Variants in COL24A1 observed in about 807,000 individuals in gnomAD.
COL24A1 encodes the protein collagen type XXIV alpha 1 chain.
Under a neutral mutation model 253.9 loss-of-function variants are expected in COL24A1, and 224 were observed. That is an observed-to-expected ratio of 0.88 (90% confidence interval 0.79 to 0.99). The LOEUF is 0.99. Ranked by LOEUF, COL24A1 falls within the 50% of genes least tolerant of loss-of-function variation. The pLI, the probability that COL24A1 is intolerant of heterozygous loss-of-function variation, is 0.00. For synonymous variants in COL24A1, 685 were observed against 673.7 expected, an observed-to-expected ratio of 1.02 and a Z score of -0.26; for missense variants, 2,131 against 2,068.5, an observed-to-expected ratio of 1.03 and a Z score of -0.59.
At chr1:85,885,253 TG>T (rs1682339429) in intron 32 of COL24A1, among the ~76,000 whole-genome samples, 1 of 151,646 alleles carries the variant, frequency 6.6e-6, no homozygotes, top group African/African-American at 2.4e-5. Context: ...CAGGCTGGAG[TG>T]CAGTGGCGCG....
At chr1:86,138,893 C>T (rs553727584) in intron 2 of COL24A1, among the ~76,000 whole-genome samples, 1 of 151,972 alleles carries the variant, frequency 6.6e-6, no homozygotes, top group Admixed American at 6.6e-5. Context: ...AAGTATATCC[C>T]TTCATGCCAA....
At chr1:86,113,835 C>CAAA (rs1491443080) in intron 4 of COL24A1, among the ~76,000 whole-genome samples, 1 of 9,356 alleles carries the variant, frequency 1.1e-4, no homozygotes, top group Non-Finnish European at 2.5e-4. Flanking sequence ...GATCCTGTCT[C>CAAA]ACAAAAAAAA....
chr1:85,757,814 C>T (rs574966331), intron 55 of COL24A1, among the ~76,000 whole-genome samples: 2 of 152,256 alleles, frequency 1.3e-5, no homozygotes, highest in Admixed American at 1.3e-4. Flanking sequence ...GTCATTCAGT[C>T]ACATCTAAGT....
At chr1:85,747,184 T>C (rs899513156) in intron 55 of COL24A1, among the ~76,000 whole-genome samples, 7 of 148,228 alleles carry the variant, frequency 4.7e-5, no homozygotes, top group Non-Finnish European at 8.9e-5. Flanking sequence ...CGATCTCGGC[T>C]CACTGCAACC....
intron 19 of COL24A1, among the ~76,000 whole-genome samples, chr1:85,998,071 T>C (rs1182766949): frequency 6.6e-6 from 1 of 152,220 alleles, no homozygotes; most frequent in Non-Finnish European, 1.5e-5. Context: ...TTGCCAATTC[T>C]GATTTTTTTA....
rs567825684 is a variant in COL24A1, at chr1:85,868,292, C to T, written c.3300+227G>A. On this transcript the variant is annotated intron_variant, in intron 37 of 59. Coordinates refer to ENST00000370571, the MANE Select transcript of COL24A1 (RefSeq NM_152890.7). ...AACATAAAACATTCCTTTATAAATGCTTTATGACAGAAGTTACATGGCTTA... is the reference window on the plus strand; with the variant it reads ...AACATAAAACATTCCTTTATAAATGTTTTATGACAGAAGTTACATGGCTTA... Among the ~76,000 whole-genome samples the T allele has an allele frequency of 2.6e-3, 397 of 152,278 alleles. 4 individuals carry two copies. The highest frequency in any genetic ancestry group is 9.0e-3 in the African/African-American group (376 of 41,566).
chr1:86,027,570 G>T (rs1311386297), intron 14 of COL24A1, among the ~76,000 whole-genome samples: 2 of 152,170 alleles, frequency 1.3e-5, no homozygotes, highest in Non-Finnish European at 2.9e-5. Flanking sequence ...CAATAATTGA[G>T]GTTTGGGAAC....
At chr1:85,732,722 A>T (rs920329240) in intron 59 of COL24A1, among the ~76,000 whole-genome samples, 7 of 152,206 alleles carry the variant, frequency 4.6e-5, no homozygotes, top group African/African-American at 1.7e-4. Flanking sequence ...AACCTTGAGC[A>T]AGTTCTCTGT....
intron 59 of COL24A1, among the ~76,000 whole-genome samples, chr1:85,731,636 T>C (rs777564801): frequency 3.3e-5 from 5 of 152,234 alleles, no homozygotes; most frequent in Admixed American, 2.0e-4. Flanking sequence ...AGTGTTCTTA[T>C]AGTGCTTGTG....
At position 86,059,123 on chromosome 1, in the gene COL24A1, G is replaced by T; in HGVS notation, c.1804C>A (p.Gln602Lys). 1 of 1,607,668 alleles carries T rather than the reference G, an allele frequency of 6.2e-7. No individual in the cohort carries two copies. Among genetic ancestry groups the T allele is most frequent in the Non-Finnish European group, 8.5e-7 (1 of 1,176,076 alleles). ...NIGSPGYPGR[Q>K]GLAGPEGNPG... ...AAGTCTAAATATAGTTACTGCACCT[G>T]CCTGCCAGGGTAACCGGGTGAACCA... Residue 602 changes from glutamine to lysine, a missense_variant and splice_region_variant, in exon 9 of 60, where the codon CAG becomes AAG. Gln to Lys is a moderately conservative substitution (Grantham distance 53, BLOSUM62 1). Transcript: ENST00000370571.
At chr1:85,894,425 G>A (rs1683445252) in intron 31 of COL24A1, among the ~76,000 whole-genome samples, 1 of 152,024 alleles carries the variant, frequency 6.6e-6, no homozygotes, top group Non-Finnish European at 1.5e-5. Flanking sequence ...ATACATTGAT[G>A]GGCTGAAAAT....
At chr1:85,991,264 G>C (rs1156893961) in intron 19 of COL24A1, among the ~76,000 whole-genome samples, 1 of 152,218 alleles carries the variant, frequency 6.6e-6, no homozygotes, top group Non-Finnish European at 1.5e-5. Flanking sequence ...GGAAACTACA[G>C]ATCAAATGAT....
chr1:85,921,474 G>A (rs1686482032), intron 24 of COL24A1, among the ~76,000 whole-genome samples: 1 of 152,172 alleles, frequency 6.6e-6, no homozygotes, highest in Admixed American at 6.5e-5. Context: ...TCCAGAGGAA[G>A]GATCAGGCAA....
chr1:85,957,610 C>G (rs1203600267), intron 24 of COL24A1, among the ~76,000 whole-genome samples: 2 of 152,146 alleles, frequency 1.3e-5, no homozygotes, highest in Admixed American at 1.3e-4. Context: ...TGCAGCCTAC[C>G]TCCAATCTGT....
At chr1:85,735,604 T>C (rs992784281) in intron 58 of COL24A1, among the ~76,000 whole-genome samples, 5 of 152,006 alleles carry the variant, frequency 3.3e-5, no homozygotes, top group African/African-American at 1.2e-4. Context: ...TCAATAAATA[T>C]TTATTGAATG....
At chr1:86,066,790 T>C (rs532221604) in intron 7 of COL24A1, among the ~76,000 whole-genome samples, 1 of 152,246 alleles carries the variant, frequency 6.6e-6, no homozygotes, top group South Asian at 2.1e-4. Flanking sequence ...TATCAGAAAG[T>C]AACTACTTTT....
chr1:85,939,776 A>G (rs1558732920), intron 24 of COL24A1, among the ~76,000 whole-genome samples: 1 of 152,164 alleles, frequency 6.6e-6, no homozygotes, highest in Non-Finnish European at 1.5e-5. Context: ...GCAGAATTTT[A>G]CTATGCCAGT....
chr1:85,962,026 T>C (rs1429348847), intron 23 of COL24A1, among the ~76,000 whole-genome samples: 1 of 152,198 alleles, frequency 6.6e-6, no homozygotes, highest in African/African-American at 2.4e-5. Context: ...CTTTTATCAA[T>C]AAAATTTTTA....
intron 46 of COL24A1, 65 bp downstream of exon 46, chr1:85,817,969 C>T: frequency 1.5e-6 from 2 of 1,374,308 alleles, no homozygotes; most frequent in Non-Finnish European, 2.1e-6. Context: ...CCAAACTTTT[C>T]TGCTTGCTAA....
Sources: allele counts gnomAD v4.1 joint callset (sites outside exome capture counted in the v4.1 genomes callset), GRCh38; gene constraint gnomAD v4.1.1; transcripts MANE v1.5; gene names NCBI Gene and HGNC (gene_info 2026-07-23, HGNC 2026-07-21).